The following PLEKHH2 variants were observed in gnomAD, a reference collection of about 807,000 sequenced individuals.
PLEKHH2 encodes pleckstrin homology, MyTH4 and FERM domain containing H2, also known as pleckstrin homology domain-containing family H member 2.
In PLEKHH2, 129 loss-of-function variants were observed where a neutral mutation model predicts 187.9. The ratio of observed to expected loss-of-function variants is 0.69; its 90% CI spans 0.59 to 0.79. The LOEUF (loss-of-function observed/expected upper bound fraction) is 0.79, where lower values mean the gene tolerates loss of function less well. PLEKHH2 is among the 30% of genes least tolerant of loss of function. The probability of loss-of-function intolerance (pLI) is 0.00; values close to 1 mark genes in which losing one functional copy is unlikely to be tolerated. For missense variants in PLEKHH2, 2,076 were observed against 1,751.2 expected (o/e 1.19, Z -3.31); for synonymous variants, 686 against 605.6 (o/e 1.13, Z -1.95).
At chr2:43,710,808 A>C in intron 14 of PLEKHH2, 1 of 1,299,742 alleles carries the variant, frequency 7.7e-7, no homozygotes, top group Non-Finnish European at 9.8e-7. Context: ...CTTCCTTTAT[A>C]CTCTTCTTTC....
intron 3 of PLEKHH2, chr2:43,681,323 G>T (rs1668171745): frequency 1.1e-6 from 1 of 906,476 alleles, no homozygotes; most frequent in Non-Finnish European, 1.7e-6. Context: ...GAGGAATTTG[G>T]TGTTCTCAGC....
At chr2:43,704,368 A>G (rs539471185) in intron 9 of PLEKHH2, among the ~76,000 whole-genome samples, 1 of 152,314 alleles carries the variant, frequency 6.6e-6, no homozygotes, top group African/African-American at 2.4e-5. Flanking sequence ...ACAATTAAAA[A>G]TGATTAAGAT....
chr2:43,741,278 T>A (rs1304509374), intron 21 of PLEKHH2: 4 of 313,916 alleles, frequency 1.3e-5, no homozygotes, highest in Non-Finnish European at 2.3e-5. Flanking sequence ...AGAATATTTT[T>A]AAGTGAAAAG....
At chr2:43,667,803 A>T (rs1305796738) in intron 2 of PLEKHH2, among the ~76,000 whole-genome samples, 1 of 152,158 alleles carries the variant, frequency 6.6e-6, no homozygotes, top group African/African-American at 2.4e-5. Flanking sequence ...ATGGGGAATT[A>T]CTGCTAATAG....
At chr2:43,726,951 C>T (rs1670779337) in intron 17 of PLEKHH2, among the ~76,000 whole-genome samples, 1 of 150,048 alleles carries the variant, frequency 6.7e-6, no homozygotes, top group South Asian at 2.1e-4. Context: ...ACTTAGGAAA[C>T]ATTAGTTTTT....
At chr2:43,703,054 C>G (rs1423963047) in intron 8 of PLEKHH2, among the ~76,000 whole-genome samples, 1 of 152,182 alleles carries the variant, frequency 6.6e-6, no homozygotes, top group Non-Finnish European at 1.5e-5. Flanking sequence ...CTCAAAGAAA[C>G]TACATCTGAT....
intron 15 of PLEKHH2, 44 bp downstream of exon 15, chr2:43,712,427 C>A (rs377483224): frequency 3.8e-6 from 6 of 1,576,144 alleles, no homozygotes; most frequent in Non-Finnish European, 3.5e-6. Context: ...CAGCTATGGG[C>A]ATGAGCCCAT....
chr2:43,652,128 G>T (rs1333798552), intron 2 of PLEKHH2, among the ~76,000 whole-genome samples: 1 of 152,132 alleles, frequency 6.6e-6, no homozygotes, highest in African/African-American at 2.4e-5. Flanking sequence ...TTGGACTAGT[G>T]CACTCCAATT....
At chr2:43,745,439 A>T (rs1671736674) in intron 23 of PLEKHH2, among the ~76,000 whole-genome samples, 1 of 152,232 alleles carries the variant, frequency 6.6e-6, no homozygotes, top group African/African-American at 2.4e-5. Flanking sequence ...CCAAAATCAA[A>T]TAGCTAGACC....
At chr2:43,718,993 G>A (rs1170024657) in intron 15 of PLEKHH2, among the ~76,000 whole-genome samples, 1 of 152,160 alleles carries the variant, frequency 6.6e-6, no homozygotes, top group Non-Finnish European at 1.5e-5. Flanking sequence ...AAGAAAATGT[G>A]TTTTACTTTT....
At chr2:43,746,688 T>G (rs968573772) in intron 24 of PLEKHH2, among the ~76,000 whole-genome samples, 1 of 152,182 alleles carries the variant, frequency 6.6e-6, no homozygotes, top group African/African-American at 2.4e-5. Context: ...TTCAATACCC[T>G]ACTACAGATC....
intron 1 of PLEKHH2, among the ~76,000 whole-genome samples, chr2:43,640,077 C>T (rs989290525): frequency 6.6e-5 from 10 of 152,094 alleles, no homozygotes; most frequent in Non-Finnish European, 1.2e-4. Context: ...ATGTGTATTT[C>T]ATCCCTTGGC....
At chr2:43,734,356 T>G (rs888675822) in intron 19 of PLEKHH2, among the ~76,000 whole-genome samples, 1 of 152,200 alleles carries the variant, frequency 6.6e-6, no homozygotes, top group African/African-American at 2.4e-5. Context: ...ATATTAGCAA[T>G]TAGAATCCAG....
At chr2:43,743,620 G>A (rs181463225) in intron 22 of PLEKHH2, among the ~76,000 whole-genome samples, 418 of 152,166 alleles carry the variant, frequency 2.7e-3, no homozygotes, top group African/African-American at 9.6e-3. Flanking sequence ...CATGTCTGTT[G>A]GCTGAAGCTG....
intron 16 of PLEKHH2, among the ~76,000 whole-genome samples, chr2:43,725,510 T>A (rs1357839975): frequency 6.6e-6 from 1 of 152,206 alleles, no homozygotes; most frequent in African/African-American, 2.4e-5. Context: ...GAGAAGTGAT[T>A]TCCTTGAACT....
chr2:43,726,124 C>CAAAA, intron 16 of PLEKHH2, 148 bp from the exon 17 acceptor site: 2 of 459,048 alleles, frequency 4.4e-6, no homozygotes, highest in African/African-American at 2.6e-5. Flanking sequence ...AACCCTGTCT[C>CAAAA]AAAAAAAAAA....
chr2:43,670,016 T>C (rs6704737), intron 2 of PLEKHH2, among the ~76,000 whole-genome samples: 2,840 of 152,232 alleles, frequency 0.019, 34 homozygotes, highest in African/African-American at 0.025. Context: ...AGCAAAATAT[T>C]GCATATTGAA....
chr2:43,762,964 G>A (rs146212226), intron 28 of PLEKHH2, among the ~76,000 whole-genome samples: 66 of 152,084 alleles, frequency 4.3e-4, no homozygotes, highest in African/African-American at 1.5e-3. Context: ...TGGTGAGCAG[G>A]AATTACTAAA....
chr2:43,694,391 G>T (rs749360310), intron 4 of PLEKHH2, 40 bp from the exon 5 acceptor site: 1 of 1,521,940 alleles, frequency 6.6e-7, no homozygotes, highest in East Asian at 2.4e-5. Context: ...AGACCATTGA[G>T]TTTATGTTTG....
Sources: allele counts gnomAD v4.1 joint callset (sites outside exome capture counted in the v4.1 genomes callset), GRCh38; gene constraint gnomAD v4.1.1; transcripts MANE v1.5; gene names NCBI Gene and HGNC (gene_info 2026-07-23, HGNC 2026-07-21).